The following RTN4 variants were observed in gnomAD, a reference collection of about 807,000 sequenced individuals.
The protein encoded by RTN4 is reticulon-4.
In RTN4, 32 loss-of-function variants were observed where a neutral mutation model predicts 90.4. The observed-to-expected ratio is 0.35, with a 90% confidence interval of 0.27 to 0.48. RTN4 has a LOEUF of 0.48. Among genes scored for constraint, RTN4 ranks in the 20% least tolerant of loss-of-function variants. The pLI is 0.99. For synonymous variants in RTN4, 629 were observed against 552.5 expected (o/e 1.14, Z -1.94); for missense variants, 1,706 against 1,430.2 (o/e 1.19, Z -3.11).
At chr2:55,017,273 T>C (rs948320803) in intron 3 of RTN4, among the ~76,000 whole-genome samples, 1 of 152,182 alleles carries the variant, frequency 6.6e-6, no homozygotes, top group Non-Finnish European at 1.5e-5. Context: ...AAAGGCTATA[T>C]ATACTTTTTC....
chr2:55,074,122 T>C (rs1304566450), intron 2 of RTN4, among the ~76,000 whole-genome samples: 2 of 152,252 alleles, frequency 1.3e-5, no homozygotes, highest in Non-Finnish European at 2.9e-5. Context: ...TTGAAGGTGA[T>C]GTGCTTTAGT....
Position 55,050,218 on chromosome 2 carries a change from A to G in RTN4, c.83T>C (p.Val28Ala), listed in dbSNP as rs776076762. 1 of 1,561,298 alleles carries G rather than the reference A, an allele frequency of 6.4e-7. No homozygotes were observed. Among genetic ancestry groups the G allele is most frequent in the Non-Finnish European group, 8.6e-7 (1 of 1,156,620 alleles). ...TTCCTCCTCGTCCTCGGGCTCCCTC[A>G]CGAACTGGTACTTGAACGCGGGCTG... ...RPQPAFKYQF[V>A]REPEDEEEEE... Residue 28 changes from valine to alanine, a missense_variant, in exon 1 of 9, where the codon GTG (valine) becomes GCG (alanine). Physicochemically the swap from Val to Ala is moderately conservative, Grantham distance 64. Transcript: ENST00000337526. The surrounding 1 kb of genome is among the most constrained non-coding windows in gnomAD (Gnocchi z 4.6).
intron 1 of RTN4, among the ~76,000 whole-genome samples, chr2:55,032,187 T>C (rs1270983552): frequency 1.3e-5 from 2 of 152,000 alleles, no homozygotes; most frequent in Non-Finnish European, 2.9e-5. Flanking sequence ...TTCAAGCAAT[T>C]ATCCCACCTC....
At chr2:54,973,988 A>AAAAC in intron 6 of RTN4, 121 bp from the exon 7 acceptor site, 2 of 806,984 alleles carry the variant, frequency 2.5e-6, no homozygotes, top group East Asian at 5.2e-5. Context: ...TGAATGAATA[A>AAAAC]AAACATAAGG....
intron 3 of RTN4, among the ~76,000 whole-genome samples, chr2:55,004,218 T>C (rs906539000): frequency 1.3e-5 from 2 of 152,136 alleles, no homozygotes; most frequent in African/African-American, 4.8e-5. Context: ...GTGAGGACAA[T>C]ACGAAAGAAG....
At chr2:55,084,504 C>A (rs1345005643) in intron 1 of RTN4, among the ~76,000 whole-genome samples, 1 of 152,060 alleles carries the variant, frequency 6.6e-6, no homozygotes, top group African/African-American at 2.4e-5. Flanking sequence ...GTTCTGTGAG[C>A]CATTCTAGCA....
rs145160466 is a variant in RTN4, at chr2:55,025,899, G to A, written c.2200C>T (p.Leu734=). 1 of 1,613,730 alleles carries A rather than the reference G, an allele frequency of 6.2e-7. No homozygotes were observed. Among genetic ancestry groups the A allele is most frequent in the Non-Finnish European group, 8.5e-7 (1 of 1,179,864 alleles). ...GAATCAGGTGAGGAATCTTCAACTA[G>A]CTCAGAATGATCAGGCACTGGCTGT... The part of the protein sequence containing the change: ...VEQPVPDHSE[L]VEDSSPDSEP... Residue 734 remains leucine (L), a synonymous_variant, in exon 3 of 9, where the codon CTA becomes TTA. Coordinates refer to ENST00000337526, the MANE Select transcript of RTN4 (RefSeq NM_020532.5).
At chr2:55,076,109 C>T (rs1668594330) in intron 2 of RTN4, among the ~76,000 whole-genome samples, 1 of 152,088 alleles carries the variant, frequency 6.6e-6, no homozygotes, top group Non-Finnish European at 1.5e-5. Flanking sequence ...AAAGCTCCTG[C>T]ACAGCAAAAG....
chr2:55,128,705 G>A, the RTN4 span, among the ~76,000 whole-genome samples: 3 of 151,374 alleles, frequency 2.0e-5, no homozygotes, highest in African/African-American at 7.3e-5. Context: ...AAGTTAAAAA[G>A]ACAAGTGACA....
chr2:55,013,608 T>TG lies in RTN4; in HGVS notation c.3013+11477dup, dbSNP rs57840770. On this transcript the variant is annotated intron_variant, in intron 3 of 8. Transcript: ENST00000337526. ...GTATGTTTTTTGGTGGGTTTTTTTT[T>TG]GGGGGGGGGGGAGGGTGTAGGGGGG... 5.9e-3 allele frequency among the ~76,000 whole-genome samples: 371 copies of TG among 62,504 alleles called. 2 individuals are homozygous for TG. The highest frequency in any genetic ancestry group is 0.019 in the East Asian group (26 of 1,366). 41.0% of individuals were successfully genotyped at this position (62,504 alleles called of 152,430 possible).
At chr2:55,015,703 T>G (rs1400884153) in intron 3 of RTN4, among the ~76,000 whole-genome samples, 1 of 152,154 alleles carries the variant, frequency 6.6e-6, no homozygotes, top group African/African-American at 2.4e-5. Flanking sequence ...GTACAGAATG[T>G]CCAGAAGAAT....
upstream of RTN4, among the ~76,000 whole-genome samples, chr2:55,051,939 G>C (rs1668100421): frequency 6.6e-6 from 1 of 152,174 alleles, no homozygotes; most frequent in Non-Finnish European, 1.5e-5. Context: ...GACAGTGCTA[G>C]TCTAGATTAA....
chr2:54,973,209 A>AAAAGTC lies in RTN4; in HGVS notation c.3537-17_3537-12dup, dbSNP rs1282993283. ...ATTTTTGCTTGGATTCTGAAAATGA[A>AAAAGTC]AAAGTCAATGTAAATATCAGTTTTG... On this transcript the variant is annotated splice_polypyrimidine_tract_variant and intron_variant, in intron 8 of 8. Transcript: ENST00000337526. 1.2e-6 allele frequency: 2 copies of AAAAGTC among 1,600,442 alleles called. No homozygotes were observed. The highest frequency in any genetic ancestry group is 1.7e-5 in the Admixed American group (1 of 59,836).
chr2:55,075,824 A>G (rs184275005), intron 2 of RTN4, among the ~76,000 whole-genome samples: 95 of 152,334 alleles, frequency 6.2e-4, no homozygotes, highest in Middle Eastern at 3.4e-3. Flanking sequence ...AAAGCAAACA[A>G]AAACATAAAA....
chr2:55,026,282 G>A lies in RTN4; in HGVS notation c.1817C>T (p.Thr606Ile), dbSNP rs75722875. ...AATGTCAGGCAAAACTGGTGAAGGA[G>A]TAGCTTCTGACTCTTCAAATGATGG... The part of the protein sequence containing the change: ...LCPSFEESEA[T>I]PSPVLPDIVM... Residue 606 changes from threonine (T) to isoleucine (I), a missense_variant, in exon 3 of 9, where the codon ACT becomes ATT. Physicochemically the swap from Thr to Ile is moderately conservative, Grantham distance 89. Coordinates refer to ENST00000337526, the MANE Select transcript of RTN4 (RefSeq NM_020532.5). 1 of 1,613,982 alleles carries A rather than the reference G, an allele frequency of 6.2e-7. No homozygotes were observed. Among genetic ancestry groups the A allele is most frequent in the Non-Finnish European group, 8.5e-7 (1 of 1,179,910 alleles).
Position 55,027,406 on chromosome 2 carries a change from A to C in RTN4, c.693T>G (p.Thr231=), listed in dbSNP as rs202219919. Residue 231 remains threonine (T), a synonymous_variant, in exon 3 of 9, where the codon ACT becomes ACG. Coordinates refer to ENST00000337526, the MANE Select transcript of RTN4 (RefSeq NM_020532.5). The part of the protein sequence containing the change: ...QEDFPSVLLE[T]AASLPSLSPL... ...GAGACAGAGAAGGAAGAGAAGCAGC[A>C]GTTTCAAGCAGGACAGATGGGAAAT... 13 of 1,613,608 alleles carry C rather than the reference A, an allele frequency of 8.1e-6. No individual in the cohort carries two copies. The highest frequency in any genetic ancestry group is 1.1e-5 in the Non-Finnish European group (13 of 1,179,748).
At position 54,973,219 on chromosome 2, in the gene RTN4, G is replaced by A. The variant is rs201227870; in HGVS notation, c.3537-21C>T. 4.1e-5 allele frequency: 65 copies of A among 1,590,606 alleles called. No individual in the cohort carries two copies. In the African/African-American group the frequency reaches 7.2e-4, roughly 18 times the overall value. ...GGATTCTGAAAATGAAAAAGTCAAT[G>A]TAAATATCAGTTTTGTTTGCTGCTG... is the stretch of plus-strand genomic sequence containing the variant. On this transcript the variant is annotated intron_variant, in intron 8 of 8. Coordinates refer to ENST00000337526, the MANE Select transcript of RTN4 (RefSeq NM_020532.5).
At chr2:55,008,272 G>C (rs1443043752) in intron 3 of RTN4, among the ~76,000 whole-genome samples, 1 of 151,488 alleles carries the variant, frequency 6.6e-6, no homozygotes, top group African/African-American at 2.4e-5. Flanking sequence ...AAATGCCTAA[G>C]TATATTTTTT....
chr2:55,029,502 G>A (rs1440444558), intron 1 of RTN4, among the ~76,000 whole-genome samples: 2 of 152,110 alleles, frequency 1.3e-5, no homozygotes, highest in African/African-American at 2.4e-5. Flanking sequence ...CTTTAACAGA[G>A]AGAACCTAAT....
Sources: gnomAD v4.1 joint callset for allele counts (sites outside exome capture counted in the v4.1 genomes callset) on GRCh38, gnomAD v4.1.1 for gene constraint, Gnocchi (gnomAD v3.1) non-coding constraint, MANE v1.5 for transcripts, NCBI Gene and HGNC (gene_info 2026-07-23, HGNC 2026-07-21) for gene names.